Variants in MNS1 observed in about 807,000 individuals in gnomAD.
MNS1 encodes the protein meiosis-specific nuclear structural protein 1.
In MNS1, 63 loss-of-function variants were observed where a neutral mutation model predicts 72.0. The observed-to-expected ratio is 0.87, with a 90% CI of 0.71 to 1.08. The LOEUF (loss-of-function observed/expected upper bound fraction) is 1.08. Ranked by LOEUF, MNS1 falls within the 50% of genes least tolerant of loss-of-function variation. The pLI is 0.00. For synonymous variants in MNS1, 188 were observed against 172.1 expected (o/e 1.09, Z -0.72); for missense variants, 604 against 562.4 (o/e 1.07, Z -0.75).
At chr15:56,435,234 A>G (rs903557138) in intron 7 of MNS1, among the ~76,000 whole-genome samples, 4 of 152,006 alleles carry the variant, frequency 2.6e-5, no homozygotes, top group Non-Finnish European at 5.9e-5. Flanking sequence ...AAAAGTCTCA[A>G]ATCGATAATC....
At chr15:56,439,260 A>G (rs1218425645) in intron 7 of MNS1, among the ~76,000 whole-genome samples, 10 of 152,180 alleles carry the variant, frequency 6.6e-5, no homozygotes, top group Non-Finnish European at 1.5e-4. Flanking sequence ...CCTGATGAAA[A>G]AATTCAAAGA....
chr15:56,461,972 G>GTTGTTGTTTT (rs1567155289), intron 2 of MNS1, among the ~76,000 whole-genome samples: 2 of 9,686 alleles, frequency 2.1e-4, no homozygotes, highest in African/African-American at 2.7e-4. Context: ...TTTTTTTGTT[G>GTTGTTGTTTT]TTGTTTTTTT....
intron 7 of MNS1, among the ~76,000 whole-genome samples, chr15:56,441,937 G>A (rs1294647461): frequency 4.0e-5 from 6 of 151,770 alleles, no homozygotes; most frequent in South Asian, 2.1e-4. Flanking sequence ...GGAGAATGGC[G>A]TGAACCCGGG....
chr15:56,447,007 A>T (rs1416131668), intron 3 of MNS1, 64 bp from the exon 4 acceptor site: 2 of 1,095,388 alleles, frequency 1.8e-6, no homozygotes, highest in African/African-American at 3.1e-5. Context: ...ACCTCACAGA[A>T]AACTGAGTAA....
At chr15:56,436,854 A>G (rs2050734892) in intron 7 of MNS1, among the ~76,000 whole-genome samples, 2 of 152,236 alleles carry the variant, frequency 1.3e-5, no homozygotes, top group South Asian at 4.1e-4. Flanking sequence ...AAAATCTAGA[A>G]GAAATGGATA....
At chr15:56,451,800 A>C (rs73415851) in intron 3 of MNS1, among the ~76,000 whole-genome samples, 1 of 152,298 alleles carries the variant, frequency 6.6e-6, no homozygotes, top group African/African-American at 2.4e-5. Context: ...ATCGTACATC[A>C]AGGAGCATCT....
At chr15:56,463,841 T>A in intron 2 of MNS1, 185 bp downstream of exon 2, 1 of 586,282 alleles carries the variant, frequency 1.7e-6, no homozygotes, top group Non-Finnish European at 3.0e-6. Context: ...ATAGCAGTAG[T>A]AGGATTCAAA....
At chr15:56,449,896 T>C (rs1192808328) in intron 3 of MNS1, among the ~76,000 whole-genome samples, 1 of 152,234 alleles carries the variant, frequency 6.6e-6, no homozygotes, top group African/African-American at 2.4e-5. Context: ...TACAGTGATA[T>C]CACATTATCC....
chr15:56,442,262 G>C lies in MNS1; in HGVS notation c.1011+1168C>G, dbSNP rs2050828372. On this transcript the variant is annotated intron_variant, in intron 7 of 9. Transcript: ENST00000260453. ...GACAAGGTTGTGGAGAAAAAGGAAT[G>C]CTTATACACTGTTGGTGGGAATGTA... Among the ~76,000 whole-genome samples, 4 of 152,114 alleles carry C rather than the reference G, an allele frequency of 2.6e-5. 1 individual carries two copies. The South Asian group carries it at 8.3e-4, about 32-fold the overall frequency.
At chr15:56,442,921 A>AAG (rs1192706055) in intron 7 of MNS1, among the ~76,000 whole-genome samples, 3 of 152,256 alleles carry the variant, frequency 2.0e-5, no homozygotes, top group African/African-American at 7.2e-5. Flanking sequence ...AAAAAAAAAA[A>AAG]AATCTTGAAC....
rs562367591 is a variant in MNS1, at chr15:56,457,243, G to A, written c.226-722C>T. 2.6e-5 allele frequency among the ~76,000 whole-genome samples: 4 copies of A among 152,194 alleles called. No homozygotes were observed. In the South Asian group the frequency reaches 8.3e-4, roughly 32 times the overall value. On this transcript the variant is annotated intron_variant, in intron 2 of 9. Coordinates refer to ENST00000260453, the MANE Select transcript of MNS1 (RefSeq NM_018365.4). ...GATTGCTTCCCCAGGATATATCACTGAACTTTTTTTCTCTTTTATATTTCC... is the reference window on the plus strand; with the variant it reads ...GATTGCTTCCCCAGGATATATCACTAAACTTTTTTTCTCTTTTATATTTCC...
chr15:56,435,948 C>T (rs577123157), intron 7 of MNS1, among the ~76,000 whole-genome samples: 81 of 152,022 alleles, frequency 5.3e-4, no homozygotes, highest in Non-Finnish European at 1.0e-3. Flanking sequence ...TTCACCATGA[C>T]CAAGTAGTGT....
At chr15:56,443,259 A>G (rs1460120113) in intron 7 of MNS1, among the ~76,000 whole-genome samples, 171 bp downstream of exon 7, 1 of 152,190 alleles carries the variant, frequency 6.6e-6, no homozygotes, top group Non-Finnish European at 1.5e-5. Flanking sequence ...TTGATGCCTG[A>G]GTCTATCTTT....
intron 3 of MNS1, among the ~76,000 whole-genome samples, chr15:56,454,716 C>T (rs1360730957): frequency 6.6e-6 from 1 of 152,102 alleles, no homozygotes; most frequent in Non-Finnish European, 1.5e-5. Context: ...CCTCTTTCAC[C>T]TCTCTACCAG....
At chr15:56,431,284 C>T in intron 9 of MNS1, 89 bp downstream of exon 9, 1 of 1,495,618 alleles carries the variant, frequency 6.7e-7, no homozygotes, top group East Asian at 2.3e-5. Context: ...AAGAAGTGAG[C>T]AAAACCAAGG....
Position 56,464,217 on chromosome 15 carries a change from C to G in MNS1, c.34G>C (p.Glu12Gln). Reference sequence around the variant, plus strand: ...TCATCTACTAATTTCTGATGCCTTTCACTACAGCTCAAATTTCTCCTTTTG... The same window carrying G: ...TCATCTACTAATTTCTGATGCCTTTGACTACAGCTCAAATTTCTCCTTTTG... ...GSKRRNLSCSERHQKLVDENY... is the reference protein window; with the variant it reads ...GSKRRNLSCSQRHQKLVDENY... Residue 12 changes from glutamate to glutamine, a missense_variant, in exon 2 of 10, where the codon GAA becomes CAA. Coordinates refer to ENST00000260453, the MANE Select transcript of MNS1 (RefSeq NM_018365.4). 1 of 1,611,522 alleles carries G rather than the reference C, an allele frequency of 6.2e-7. No homozygotes were observed. Among genetic ancestry groups the G allele is most frequent in the Non-Finnish European group, 8.5e-7 (1 of 1,179,322 alleles).
At chr15:56,461,309 A>G (rs1212992190) in intron 2 of MNS1, among the ~76,000 whole-genome samples, 8 of 152,236 alleles carry the variant, frequency 5.3e-5, no homozygotes, top group African/African-American at 1.9e-4. Flanking sequence ...ACAAGCCTAG[A>G]ACAGTTTGTT....
At chr15:56,437,566 T>A (rs1312350620) in intron 7 of MNS1, among the ~76,000 whole-genome samples, 2 of 152,190 alleles carry the variant, frequency 1.3e-5, no homozygotes, top group South Asian at 2.1e-4. Flanking sequence ...AAGACAGGGA[T>A]GCCCTCTCTC....
At position 56,464,206 on chromosome 15, in the gene MNS1, C is replaced by T. The variant is rs753135781; in HGVS notation, c.45G>A (p.Gln15=). ...TGCAGTAGTTTTCATCTACTAATTT[C>T]TGATGCCTTTCACTACAGCTCAAAT... The part of the protein sequence containing the change: ...RRNLSCSERH[Q]KLVDENYCKK... Residue 15 remains glutamine (Q), a synonymous_variant, in exon 2 of 10, where the codon CAG becomes CAA. Transcript: ENST00000260453. 1 of 1,613,734 alleles carries T rather than the reference C, an allele frequency of 6.2e-7. No individual in the cohort carries two copies.
Sources: gnomAD v4.1 joint callset for allele counts (sites outside exome capture counted in the v4.1 genomes callset) on GRCh38, gnomAD v4.1.1 for gene constraint, MANE v1.5 for transcripts, NCBI Gene and HGNC (gene_info 2026-07-23, HGNC 2026-07-21) for gene names.